COL24A1: variants seen among roughly 807,000 people sequenced by gnomAD.
COL24A1 encodes the protein collagen type XXIV alpha 1 chain.
In COL24A1, 224 loss-of-function variants were observed where a neutral mutation model predicts 253.9. The ratio of observed to expected loss-of-function variants is 0.88; its 90% confidence interval spans 0.79 to 0.99. The LOEUF is 0.99. Ranked by LOEUF, COL24A1 falls within the 50% of genes least tolerant of loss-of-function variation. The pLI is 0.00. For missense variants in COL24A1, 2,131 were observed against 2,068.5 expected (o/e 1.03, Z -0.59); for synonymous variants, 685 against 673.7 (o/e 1.02, Z -0.26).
chr1:85,852,359 A>T (rs1677872228), intron 37 of COL24A1, among the ~76,000 whole-genome samples: 1 of 152,162 alleles, frequency 6.6e-6, no homozygotes. Flanking sequence ...CTTCAATAAT[A>T]AGTTATATCA....
At chr1:86,017,331 G>T in intron 18 of COL24A1, 127 bp from the exon 19 acceptor site, 1 of 848,652 alleles carries the variant, frequency 1.2e-6, no homozygotes, top group South Asian at 2.1e-5. Context: ...AGGTTGTAAT[G>T]ACTTTTTAGA....
intron 19 of COL24A1, among the ~76,000 whole-genome samples, chr1:85,994,713 T>C (rs1229843413): frequency 6.6e-6 from 1 of 152,150 alleles, no homozygotes; most frequent in East Asian, 1.9e-4. Flanking sequence ...AAAAGGCAAA[T>C]GTAATAAATT....
At chr1:85,767,075 G>C (rs1667457033) in intron 53 of COL24A1, among the ~76,000 whole-genome samples, 1 of 151,106 alleles carries the variant, frequency 6.6e-6, no homozygotes, top group Non-Finnish European at 1.5e-5. Flanking sequence ...CTGCACTCCA[G>C]CCTGGGTGAC....
rs1558416994 is a variant in COL24A1 at position 85,858,656 on chromosome 1, C to CTTCCTTCA, written c.3301-9251_3301-9250insTGAAGGAA. Among the ~76,000 whole-genome samples, 92 of 149,276 alleles carry CTTCCTTCA rather than the reference C, an allele frequency of 6.2e-4. 2 individuals are homozygous for CTTCCTTCA. The highest frequency in any genetic ancestry group is 6.9e-3 in the Middle Eastern group (2 of 290). On this transcript the variant is annotated intron_variant, in intron 37 of 59. Transcript: ENST00000370571. ...CCTTCCTTCCTTCCTTCCTTCCTTCCTTCCTTCCTTCCTTCCTTCCTTCCC... is the reference window on the plus strand; with the variant it reads ...CCTTCCTTCCTTCCTTCCTTCCTTCCTTCCTTCATTCCTTCCTTCCTTCCTTCCTTCCC...
rs548144531 is a variant in COL24A1, at chr1:85,769,195, GGCACT to G, written c.4374+6474_4374+6478del. On this transcript the variant is annotated intron_variant, in intron 53 of 59. Transcript: ENST00000370571. ...TTTATTGAATGCCAACTATAAGAGA[GGCACT>G]GCCAGGTGTGAGGGACACAGCATTA... is the stretch of plus-strand genomic sequence containing the variant. Among the ~76,000 whole-genome samples, 644 of 152,230 alleles carry G rather than the reference GGCACT, an allele frequency of 4.2e-3. 6 individuals carry two copies. Among genetic ancestry groups the G allele is most frequent in the Middle Eastern group, 0.017 (5 of 294 alleles).
In COL24A1 at chr1:86,124,893, C is replaced by A. The variant is rs1647999383; in HGVS notation, c.1443G>T (p.Met481Ile). ...GCCCTCTCAGATACTCCATTTCAAG[C>A]ATTGTATTTAGATCCTCATAATAAT... Reference protein sequence around the residue: ...DYYYYEDLNTMLEMEYLRGPK... With the variant: ...DYYYYEDLNTILEMEYLRGPK... The change falls in exon 3 of 60, where the codon ATG becomes ATT. Residue 481 changes from methionine (M) to isoleucine (I), a missense_variant. By Grantham distance (10) the Met-to-Ile change is conservative. Coordinates refer to ENST00000370571, the MANE Select transcript of COL24A1 (RefSeq NM_152890.7). 2 of 1,601,992 alleles carry A rather than the reference C, an allele frequency of 1.2e-6. No homozygotes were observed. The highest frequency in any genetic ancestry group is 1.3e-5 in the African/African-American group (1 of 74,104).
intron 32 of COL24A1, among the ~76,000 whole-genome samples, chr1:85,877,981 A>G (rs1264210338): frequency 2.0e-5 from 3 of 152,180 alleles, no homozygotes; most frequent in Non-Finnish European, 2.9e-5. Context: ...TACAGCATGT[A>G]ACCTTTTCAT....
At chr1:85,891,749 C>T (rs1302886444) in intron 31 of COL24A1, among the ~76,000 whole-genome samples, 2 of 152,082 alleles carry the variant, frequency 1.3e-5, no homozygotes, top group Non-Finnish European at 2.9e-5. Flanking sequence ...AATGTCTGCC[C>T]AATTTTCTTT....
chr1:85,764,455 T>TAC (rs71075861), intron 53 of COL24A1, among the ~76,000 whole-genome samples: 2,541 of 137,250 alleles, frequency 0.019, 23 homozygotes, highest in African/African-American at 0.034. Flanking sequence ...AGGTGGAGGA[T>TAC]ACACACACAC....
intron 4 of COL24A1, among the ~76,000 whole-genome samples, chr1:86,114,269 TGGAAGATAAAAAGTGAATTAG>T (rs1166597587): frequency 1.3e-5 from 2 of 152,028 alleles, no homozygotes; most frequent in African/African-American, 4.8e-5. Flanking sequence ...GACAAATAAA[TGGAAGATAAAAAGTGAATTAG>T]GGAAGATAAA....
At chr1:86,154,049 G>T (rs1053180635) in intron 1 of COL24A1, 1 of 151,992 alleles carries the variant, frequency 6.6e-6, no homozygotes, top group African/African-American at 2.4e-5. Flanking sequence ...ACCACAAAAG[G>T]AAAATAAAAC....
chr1:85,816,582 G>A (rs1459334130), intron 47 of COL24A1, among the ~76,000 whole-genome samples: 1 of 152,110 alleles, frequency 6.6e-6, no homozygotes, highest in Non-Finnish European at 1.5e-5. Context: ...AACACTATGA[G>A]TTATTAGATA....
At chr1:85,982,082 C>T (rs1287424140) in intron 20 of COL24A1, among the ~76,000 whole-genome samples, 1 of 152,044 alleles carries the variant, frequency 6.6e-6, no homozygotes, top group Non-Finnish European at 1.5e-5. Context: ...GAATATTATT[C>T]AGCCATAAAA....
rs72714048 is a variant in COL24A1, at chr1:85,985,457, C to A, written c.2364+2144G>T. Among the ~76,000 whole-genome samples, 582 of 151,724 alleles carry A rather than the reference C, an allele frequency of 3.8e-3. 1 individual carries two copies. Among genetic ancestry groups the A allele is most frequent in the South Asian group, 0.012 (60 of 4,802 alleles). On this transcript the variant is annotated intron_variant, in intron 20 of 59. Coordinates refer to ENST00000370571, the MANE Select transcript of COL24A1 (RefSeq NM_152890.7). ...TGTATAAAAAGTTAAAAAGTACAAG[C>A]CTTAACATGGAAGTTGTGGAGGTCA...
chr1:85,964,935 A>G (rs1285913182), intron 23 of COL24A1, 74 bp downstream of exon 23: 2 of 1,339,584 alleles, frequency 1.5e-6, no homozygotes, highest in African/African-American at 3.0e-5. Context: ...TTCATTTCAC[A>G]TTTGTATGAA....
At chr1:85,953,544 C>T (rs1273562073) in intron 24 of COL24A1, among the ~76,000 whole-genome samples, 1 of 152,162 alleles carries the variant, frequency 6.6e-6, no homozygotes, top group Non-Finnish European at 1.5e-5. Flanking sequence ...ACTGTTATCT[C>T]TAGCACACAT....
At chr1:85,746,155 G>A (rs1021971055) in intron 55 of COL24A1, among the ~76,000 whole-genome samples, 1 of 152,078 alleles carries the variant, frequency 6.6e-6, no homozygotes, top group African/African-American at 2.4e-5. Flanking sequence ...TGAAGCATGA[G>A]TTGGGAGAAG....
At chr1:85,969,373 G>A (rs1691894509) in intron 22 of COL24A1, among the ~76,000 whole-genome samples, 1 of 151,962 alleles carries the variant, frequency 6.6e-6, no homozygotes, top group Non-Finnish European at 1.5e-5. Context: ...GGGAGGCCGA[G>A]GTGGGTGGAT....
intron 47 of COL24A1, among the ~76,000 whole-genome samples, chr1:85,798,113 C>T (rs1224621231): frequency 1.3e-5 from 2 of 151,204 alleles, no homozygotes; most frequent in Non-Finnish European, 2.9e-5. Context: ...AGGAGGATCA[C>T]TTGAGCCTAG....
Sources: allele counts gnomAD v4.1 joint callset (sites outside exome capture counted in the v4.1 genomes callset), GRCh38; gene constraint gnomAD v4.1.1; transcripts MANE v1.5; gene names NCBI Gene and HGNC (gene_info 2026-07-23, HGNC 2026-07-21).